Variants in MRE11 observed in about 807,000 individuals in gnomAD.
MRE11 encodes MRE11 double strand break repair nuclease.
MRE11 carries 62 observed loss-of-function variants against 91.7 expected under a neutral mutation model. The observed-to-expected ratio is 0.68, with a 90% CI of 0.55 to 0.84. The LOEUF (loss-of-function observed/expected upper bound fraction) is 0.84. MRE11 is among the 40% of genes least tolerant of loss of function. The probability of loss-of-function intolerance (pLI) is 0.00; values close to 1 mark genes in which losing one functional copy is unlikely to be tolerated. For synonymous variants in MRE11, 273 were observed against 271.4 expected (o/e 1.01, Z -0.06); for missense variants, 796 against 852.9 (o/e 0.93, Z 0.83).
At chr11:94,477,200 C>T (rs986298310) in intron 6 of MRE11, among the ~76,000 whole-genome samples, 3 of 152,044 alleles carry the variant, frequency 2.0e-5, no homozygotes, top group Non-Finnish European at 4.4e-5. Context: ...ATTATATATA[C>T]TTTTGATCTA....
At chr11:94,473,606 G>C (rs1340254534) in intron 7 of MRE11, 2 of 152,004 alleles carry the variant, frequency 1.3e-5, no homozygotes, top group East Asian at 3.9e-4. Context: ...GAATGCACAG[G>C]GTGACAAATG....
At chr11:94,430,998 T>C (rs1232712746) in intron 18 of MRE11, among the ~76,000 whole-genome samples, 1 of 152,190 alleles carries the variant, frequency 6.6e-6, no homozygotes, top group Non-Finnish European at 1.5e-5. Context: ...CCTCTTGACC[T>C]GCCGAGCCTA....
At chr11:94,433,593 G>A (rs547927398) in intron 18 of MRE11, among the ~76,000 whole-genome samples, 4 of 152,256 alleles carry the variant, frequency 2.6e-5, no homozygotes, top group South Asian at 2.1e-4. Flanking sequence ...ATTGAATCAC[G>A]GGGGCAGTTC....
At chr11:94,427,370 A>C (rs1177787846) in intron 19 of MRE11, among the ~76,000 whole-genome samples, 3 of 152,226 alleles carry the variant, frequency 2.0e-5, no homozygotes, top group Non-Finnish European at 4.4e-5. Flanking sequence ...CCCTCAACAG[A>C]CTAGGCACTG....
chr11:94,467,796 A>C lies in MRE11; in HGVS notation c.1098+17T>G, dbSNP rs1805365. ...TTTGAAAATTAATAATATTCAATCT[A>C]TATAAATAGGACTTACTCGCAGTCG... is the stretch of plus-strand genomic sequence containing the variant. On this transcript the variant is annotated intron_variant, in intron 10 of 19. Transcript: ENST00000323929. The C allele has an allele frequency of 2.0e-5, 31 of 1,582,876 alleles. No homozygotes were observed. The African/African-American group carries it at 3.6e-4, about 19-fold the overall frequency.
chr11:94,459,303 AAC>A (rs1591672027), intron 13 of MRE11, 103 bp downstream of exon 13: 1 of 1,191,352 alleles, frequency 8.4e-7, no homozygotes, highest in East Asian at 2.4e-5. Context: ...AGAAAAACTA[AAC>A]AAATCAGAGA....
intron 7 of MRE11, among the ~76,000 whole-genome samples, chr11:94,474,675 A>G (rs1946805870): frequency 1.3e-5 from 2 of 152,192 alleles, no homozygotes; most frequent in Non-Finnish European, 2.9e-5. Flanking sequence ...TTAATTGAAA[A>G]GTAGAAAATG....
rs1565195505 is a variant in MRE11 at position 94,419,495 on chromosome 11, A to AGAGAGAGAGAGAGAGAGAG, written c.*629_*630insCTCTCTCTCTCTCTCTCTC. On this transcript the variant is annotated 3_prime_UTR_variant, in exon 20 of 20. Coordinates refer to ENST00000323929, the MANE Select transcript of MRE11 (RefSeq NM_005591.4). ...GAGAGAGAGAGAGAGAGAGAGAGAG[A>AGAGAGAGAGAGAGAGAGAG]ACACCATTAAGGATACAGAATAATA... 1.3e-5 allele frequency: 3 copies of AGAGAGAGAGAGAGAGAGAG among 232,028 alleles called. No individual in the cohort carries two copies. Among genetic ancestry groups the AGAGAGAGAGAGAGAGAGAG allele is most frequent in the African/African-American group, 6.7e-5 (3 of 45,036 alleles). 14.4% of individuals were successfully genotyped at this position (232,028 alleles called of 1,614,324 possible). A position where few individuals can be genotyped will look rare whatever the true frequency, so the allele number is the denominator to read the frequency against.
intron 13 of MRE11, among the ~76,000 whole-genome samples, chr11:94,458,291 T>C (rs1169329077): frequency 6.6e-6 from 1 of 152,054 alleles, no homozygotes; most frequent in Non-Finnish European, 1.5e-5. Context: ...TAACTGTTGA[T>C]AATATATCTG....
intron 16 of MRE11, among the ~76,000 whole-genome samples, chr11:94,438,597 A>G (rs925892932): frequency 5.9e-5 from 9 of 152,254 alleles, no homozygotes; most frequent in African/African-American, 1.9e-4. Flanking sequence ...CTGAGATCCT[A>G]GAAAACAAGA....
chr11:94,475,516 C>G (rs1946829305), intron 7 of MRE11: 1 of 445,038 alleles, frequency 2.2e-6, no homozygotes, highest in Non-Finnish European at 4.5e-6. Flanking sequence ...CCTCCCATTT[C>G]TGTTTCATTG....
Position 94,417,218 on chromosome 11 carries a change from AC to A in MRE11, c.*2906del, listed in dbSNP as rs1945051214. 1 of 177,842 alleles carries A rather than the reference AC, an allele frequency of 5.6e-6. No individual in the cohort carries two copies. The highest frequency in any genetic ancestry group is 2.0e-4 in the South Asian group (1 of 5,012). 11.0% of individuals were successfully genotyped at this position (177,842 alleles called of 1,614,324 possible). ...GTCTCAAACTCCTGACCTCAGGTGAACCCCCTCCTCGGCCTCCCAAAGTGCT... is the reference window on the plus strand; with the variant it reads ...GTCTCAAACTCCTGACCTCAGGTGAACCCCTCCTCGGCCTCCCAAAGTGCT... On this transcript the variant is annotated 3_prime_UTR_variant, in exon 20 of 20. Coordinates refer to ENST00000323929, the MANE Select transcript of MRE11 (RefSeq NM_005591.4).
At chr11:94,459,344 T>A in intron 13 of MRE11, 64 bp downstream of exon 13, 1 of 1,557,462 alleles carries the variant, frequency 6.4e-7, no homozygotes, top group Non-Finnish European at 8.8e-7. Flanking sequence ...CAGAAAAAAA[T>A]CTCAGAGCTA....
intron 10 of MRE11, among the ~76,000 whole-genome samples, chr11:94,465,395 CTTTTTT>C (rs752729940): frequency 3.9e-5 from 5 of 127,960 alleles, no homozygotes; most frequent in Admixed American, 1.6e-4. Context: ...CTCTCTCTCT[CTTTTTT>C]TTTTTTTTTT....
intron 14 of MRE11, among the ~76,000 whole-genome samples, chr11:94,447,758 C>T (rs1945979281): frequency 6.6e-6 from 1 of 151,688 alleles, no homozygotes; most frequent in Non-Finnish European, 1.5e-5. Context: ...ATCACTTGAG[C>T]CTAGGAGATA....
chr11:94,508,318 G>A, the MRE11 span, among the ~76,000 whole-genome samples: 3 of 152,196 alleles, frequency 2.0e-5, no homozygotes, highest in East Asian at 5.8e-4. Flanking sequence ...TTGGTTTCCT[G>A]TTTAAAAAGT....
chr11:94,455,472 T>C (rs181979928), intron 14 of MRE11, among the ~76,000 whole-genome samples: 49 of 152,156 alleles, frequency 3.2e-4, no homozygotes, highest in Non-Finnish European at 5.9e-4. Flanking sequence ...GTACATAGTT[T>C]ATAACTTTTA....
chr11:94,445,886 A>G lies in MRE11; in HGVS notation c.1791T>C (p.Thr597=). The change falls in exon 16 of 20, where the codon ACT becomes ACC. Residue 597 remains threonine (T), a synonymous_variant. Transcript: ENST00000323929. ...RGGSQRGRAD[T]GLETSTRSRN... ...TGCTACGGGTAGAAGTCTCCAGACCAGTGTCTGCTGTTAGAAAAATGAACA... is the reference window on the plus strand; with the variant it reads ...TGCTACGGGTAGAAGTCTCCAGACCGGTGTCTGCTGTTAGAAAAATGAACA... The G allele has an allele frequency of 6.2e-7, 1 of 1,613,240 alleles. No homozygotes were observed. Among genetic ancestry groups the G allele is most frequent in the East Asian group, 2.2e-5 (1 of 44,866 alleles).
Position 94,418,072 on chromosome 11 carries a change from A to G in MRE11, c.*2053T>C, listed in dbSNP as rs13447754. On this transcript the variant is annotated 3_prime_UTR_variant, in exon 20 of 20. Transcript: ENST00000323929. ...TTCAAATCATCTGAAAGACTTCTAC[A>G]TTCCTATACCAACAGGTCTGAAAAT... 4.1e-3 allele frequency: 951 copies of G among 233,128 alleles called. 15 individuals carry two copies. The highest frequency in any genetic ancestry group is 0.019 in the African/African-American group (880 of 45,454). 14.4% of individuals were successfully genotyped at this position (233,128 alleles called of 1,614,324 possible). A position where few individuals can be genotyped will look rare whatever the true frequency, so the allele number is the denominator to read the frequency against.
Sources: gnomAD v4.1 joint callset for allele counts (sites outside exome capture counted in the v4.1 genomes callset) on GRCh38, gnomAD v4.1.1 for gene constraint, MANE v1.5 for transcripts, NCBI Gene and HGNC (gene_info 2026-07-23, HGNC 2026-07-21) for gene names.